Variants in PLA2G4A observed in about 807,000 individuals in gnomAD.
The protein encoded by PLA2G4A is phospholipase A2 group IVA.
Under a neutral mutation model 81.9 loss-of-function variants are expected in PLA2G4A, and 40 were observed. That is an observed-to-expected ratio of 0.49 (90% CI 0.38 to 0.64). The LOEUF (loss-of-function observed/expected upper bound fraction) is 0.64, where lower values mean the gene tolerates loss of function less well. Among genes scored for constraint, PLA2G4A ranks in the 30% least tolerant of loss-of-function variants. The pLI is 0.00. For synonymous variants in PLA2G4A, 302 were observed against 296.9 expected, an observed-to-expected ratio of 1.02 and a Z score of -0.18; for missense variants, 715 against 905.1, an observed-to-expected ratio of 0.79 and a Z score of 2.69.
chr1:186,901,176 T>C (rs1654525386), intron 5 of PLA2G4A, among the ~76,000 whole-genome samples: 1 of 152,170 alleles, frequency 6.6e-6, no homozygotes, highest in African/African-American at 2.4e-5. Context: ...TGAGAGACCT[T>C]TCGCTAAGAT....
intron 1 of PLA2G4A, among the ~76,000 whole-genome samples, chr1:186,852,687 G>T (rs961599745): frequency 6.6e-6 from 1 of 151,842 alleles, no homozygotes; most frequent in African/African-American, 2.4e-5. Flanking sequence ...ACACATGAAG[G>T]TGAAACCCTC....
At position 186,831,106 on chromosome 1, in the gene PLA2G4A, G is replaced by A. The variant is rs568872732; in HGVS notation, c.-70+2071G>A. 3.1e-4 allele frequency among the ~76,000 whole-genome samples: 47 copies of A among 150,352 alleles called. 1 individual carries two copies. Among genetic ancestry groups the A allele is most frequent in the African/African-American group, 1.1e-3 (44 of 40,784 alleles). On this transcript the variant is annotated intron_variant, in intron 1 of 17. Transcript: ENST00000367466. Reference sequence around the variant, plus strand: ...AAGACACTTTTATAATCTTGTGACAGGTATGGACCCCTCCCTAGAATAATG... The same window carrying A: ...AAGACACTTTTATAATCTTGTGACAAGTATGGACCCCTCCCTAGAATAATG...
chr1:186,943,972 C>A (rs1438720607), intron 10 of PLA2G4A, among the ~76,000 whole-genome samples: 1 of 152,058 alleles, frequency 6.6e-6, no homozygotes, highest in Non-Finnish European at 1.5e-5. Context: ...AAACTGGAAG[C>A]AGAGATATCA....
chr1:186,836,586 A>G (rs952438712), intron 1 of PLA2G4A, among the ~76,000 whole-genome samples: 1 of 152,198 alleles, frequency 6.6e-6, no homozygotes, highest in East Asian at 1.9e-4. Flanking sequence ...AGCTATTTAG[A>G]TAATATCTAC....
At chr1:186,878,287 A>G (rs10911942) in intron 3 of PLA2G4A, among the ~76,000 whole-genome samples, 1 of 138,940 alleles carries the variant, frequency 7.2e-6, no homozygotes, top group African/African-American at 2.7e-5. Context: ...ATATAAATAT[A>G]TCTTTTCTGA....
chr1:186,954,790 G>A (rs1656690293), intron 13 of PLA2G4A, among the ~76,000 whole-genome samples: 2 of 152,136 alleles, frequency 1.3e-5, no homozygotes, highest in East Asian at 3.9e-4. Flanking sequence ...GTTTAGGCAG[G>A]TGAAGTTATA....
chr1:186,869,654 G>A (rs1036166501), intron 2 of PLA2G4A, among the ~76,000 whole-genome samples: 1 of 152,128 alleles, frequency 6.6e-6, no homozygotes, highest in Admixed American at 6.6e-5. Flanking sequence ...TTTTCAACCA[G>A]TTAAGCAAGC....
chr1:186,945,354 C>T (rs73051044), intron 10 of PLA2G4A, among the ~76,000 whole-genome samples: 4,872 of 152,108 alleles, frequency 0.032, 285 homozygotes, highest in African/African-American at 0.11. Flanking sequence ...TAGGCCAGGA[C>T]GGAAACTTGT....
chr1:186,865,678 T>C (rs1290389868), intron 2 of PLA2G4A, among the ~76,000 whole-genome samples: 1 of 152,196 alleles, frequency 6.6e-6, no homozygotes, highest in Non-Finnish European at 1.5e-5. Context: ...CTACTTTATT[T>C]TCCATCAACT....
intron 5 of PLA2G4A, among the ~76,000 whole-genome samples, chr1:186,898,392 G>C (rs779091558): frequency 6.6e-6 from 1 of 152,102 alleles, no homozygotes; most frequent in Non-Finnish European, 1.5e-5. Flanking sequence ...ATTTACTTGA[G>C]AAGTTTTTAT....
chr1:186,946,520 T>C (rs1656351289), intron 10 of PLA2G4A, 117 bp from the exon 11 acceptor site: 1 of 809,832 alleles, frequency 1.2e-6, no homozygotes, highest in African/African-American at 1.7e-5. Flanking sequence ...TTCATTTTGA[T>C]ATTTTAAATA....
At chr1:186,911,162 C>T (rs1021996734) in intron 6 of PLA2G4A, 86 bp from the exon 7 acceptor site, 7 of 1,057,176 alleles carry the variant, frequency 6.6e-6, no homozygotes, top group Middle Eastern at 2.0e-4. Flanking sequence ...ATCAGTGTAG[C>T]TCCTAGGGAC....
chr1:186,985,399 C>T (rs1307688065), intron 17 of PLA2G4A, among the ~76,000 whole-genome samples: 1 of 152,166 alleles, frequency 6.6e-6, no homozygotes, highest in African/African-American at 2.4e-5. Context: ...GCCTTCCTGA[C>T]ATTTCAGTTT....
intron 12 of PLA2G4A, 38 bp from the exon 13 acceptor site, chr1:186,950,618 CA>C: frequency 9.3e-7 from 1 of 1,076,252 alleles, no homozygotes; most frequent in African/African-American, 1.5e-5. Context: ...TTAATTTTGA[CA>C]CCTGAAATGC....
At chr1:186,909,060 G>A (rs1002956907) in intron 6 of PLA2G4A, among the ~76,000 whole-genome samples, 1 of 133,424 alleles carries the variant, frequency 7.5e-6, no homozygotes, top group African/African-American at 2.8e-5. Flanking sequence ...TGCAAGCTCT[G>A]CCTCCCAGGT....
intron 14 of PLA2G4A, among the ~76,000 whole-genome samples, chr1:186,958,397 C>G (rs569570107): frequency 2.0e-5 from 3 of 152,126 alleles, no homozygotes; most frequent in South Asian, 2.1e-4. Flanking sequence ...TTATTGCCAT[C>G]GCAATACCAA....
chr1:186,909,184 T>C (rs1362228423), intron 6 of PLA2G4A, among the ~76,000 whole-genome samples: 20 of 150,028 alleles, frequency 1.3e-4, no homozygotes, highest in Non-Finnish European at 2.4e-4. Flanking sequence ...CCGTGTTAGC[T>C]AGGATGGTCT....
chr1:186,859,985 A>C (rs1652738106), intron 2 of PLA2G4A, among the ~76,000 whole-genome samples: 1 of 152,190 alleles, frequency 6.6e-6, no homozygotes, highest in Non-Finnish European at 1.5e-5. Flanking sequence ...AAAATCATAA[A>C]TATGAAAGTG....
chr1:186,934,459 T>TACAC lies in PLA2G4A; in HGVS notation c.695+1561_695+1562insCACA, dbSNP rs1435890369. On this transcript the variant is annotated intron_variant, in intron 8 of 17. Transcript: ENST00000367466. ...AAATGTGCACATATATATATATATATATATACATACACAGAGAGAGTAATT... is the reference window on the plus strand; with the variant it reads ...AAATGTGCACATATATATATATATATACACATATACATACACAGAGAGAGTAATT... 1.1e-3 allele frequency among the ~76,000 whole-genome samples: 142 copies of TACAC among 126,924 alleles called. 2 individuals are homozygous for TACAC. The highest frequency in any genetic ancestry group is 5.6e-3 in the East Asian group (23 of 4,108). 83.3% of individuals were successfully genotyped at this position (126,924 alleles called of 152,430 possible).
Sources: allele counts gnomAD v4.1 joint callset (sites outside exome capture counted in the v4.1 genomes callset), GRCh38; gene constraint gnomAD v4.1.1; transcripts MANE v1.5; gene names NCBI Gene and HGNC (gene_info 2026-07-23, HGNC 2026-07-21).